The following PARD3B variants were observed in gnomAD, a reference collection of about 807,000 sequenced individuals.
PARD3B encodes par-3 family cell polarity regulator beta, also known as partitioning defective 3 homolog B.
A neutral mutation model predicts 130.2 loss-of-function variants in PARD3B; 103 were observed. The ratio of observed to expected loss-of-function variants is 0.79; its 90% CI spans 0.67 to 0.93. The LOEUF (loss-of-function observed/expected upper bound fraction) is 0.93. Among genes scored for constraint, PARD3B ranks in the 40% least tolerant of loss-of-function variants. The probability of loss-of-function intolerance (pLI) is 0.00; values close to 1 mark genes in which losing one functional copy is unlikely to be tolerated. For missense variants in PARD3B, 1,609 were observed against 1,499.2 expected, an observed-to-expected ratio of 1.07 and a Z score of -1.21; for synonymous variants, 583 against 553.2, an observed-to-expected ratio of 1.05 and a Z score of -0.76.
At chr2:204,626,076 T>G (rs2034476836) in intron 1 of PARD3B, among the ~76,000 whole-genome samples, 1 of 152,186 alleles carries the variant, frequency 6.6e-6, no homozygotes, top group African/African-American at 2.4e-5. Flanking sequence ...AAAGTATTAA[T>G]TTTTTGACTT....
chr2:205,508,601 T>C, intron 21 of PARD3B, among the ~76,000 whole-genome samples: 1 of 149,510 alleles, frequency 6.7e-6, no homozygotes, highest in East Asian at 2.0e-4. Context: ...AAAGTATGTG[T>C]CCATAGACTC....
intron 2 of PARD3B, among the ~76,000 whole-genome samples, chr2:204,946,745 G>C (rs1293472328): frequency 6.6e-6 from 1 of 152,156 alleles, no homozygotes; most frequent in African/African-American, 2.4e-5. Context: ...CTGTAGCCAG[G>C]AAATTAGAGA....
chr2:204,923,560 A>G (rs1487406909), intron 2 of PARD3B, among the ~76,000 whole-genome samples: 2 of 152,084 alleles, frequency 1.3e-5, no homozygotes, highest in African/African-American at 2.4e-5. Context: ...CAAATATACA[A>G]TATATTAAAA....
At chr2:204,680,399 A>G (rs1313970478) in intron 1 of PARD3B, among the ~76,000 whole-genome samples, 2 of 152,024 alleles carry the variant, frequency 1.3e-5, no homozygotes, top group Non-Finnish European at 2.9e-5. Flanking sequence ...TAGGATCTAT[A>G]ATGGTTTTGC....
intron 1 of PARD3B, among the ~76,000 whole-genome samples, chr2:204,653,059 A>G (rs1352603597): frequency 6.6e-6 from 1 of 151,056 alleles, no homozygotes; most frequent in East Asian, 1.9e-4. Context: ...GAGCCAAACC[A>G]TATCAAAAAC....
intron 15 of PARD3B, among the ~76,000 whole-genome samples, chr2:205,207,582 A>G (rs1239568564): frequency 1.4e-5 from 2 of 142,604 alleles, no homozygotes; most frequent in Non-Finnish European, 3.0e-5. Flanking sequence ...AGAGAATACT[A>G]CAAACACCTC....
chr2:205,423,219 C>T (rs559575428), intron 19 of PARD3B, among the ~76,000 whole-genome samples: 1 of 152,132 alleles, frequency 6.6e-6, no homozygotes, highest in Non-Finnish European at 1.5e-5. Flanking sequence ...GTTGGCCCAG[C>T]CAGTGCTGTG....
At position 204,643,413 on chromosome 2, in the gene PARD3B, G is replaced by T. The variant is rs1278996773; in HGVS notation, c.121-42768G>T. ...AAACTCTTGATAAACATTATTTTTT[G>T]AATATCTTCATACCATCTCAAACAC... is the stretch of plus-strand genomic sequence containing the variant. On this transcript the variant is annotated intron_variant, in intron 1 of 22. Transcript: ENST00000406610. 7.9e-5 allele frequency among the ~76,000 whole-genome samples: 12 copies of T among 151,926 alleles called. No homozygotes were observed. In the East Asian group the frequency reaches 2.3e-3, roughly 29 times the overall value.
intron 10 of PARD3B, among the ~76,000 whole-genome samples, chr2:205,133,545 TA>T (rs1477391793): frequency 6.6e-6 from 1 of 152,186 alleles, no homozygotes. Context: ...GTGGTTTCAT[TA>T]TAAAGAACAT....
chr2:205,113,397 T>TGA, intron 5 of PARD3B, 94 bp from the exon 6 acceptor site: 1 of 210,636 alleles, frequency 4.7e-6, no homozygotes. Flanking sequence ...AGCAGGGGTG[T>TGA]GTGTGTGTGT....
intron 2 of PARD3B, among the ~76,000 whole-genome samples, chr2:204,884,026 C>T (rs929461780): frequency 2.6e-5 from 4 of 152,126 alleles, no homozygotes; most frequent in East Asian, 3.9e-4. Flanking sequence ...TGTGAGCCAC[C>T]GCACCTGGCC....
Position 205,476,479 on chromosome 2 carries a change from T to C in PARD3B, c.3045-23417T>C, listed in dbSNP as rs552656954. Among the ~76,000 whole-genome samples, 514 of 152,282 alleles carry C rather than the reference T, an allele frequency of 3.4e-3. 3 individuals carry two copies. The highest frequency in any genetic ancestry group is 6.1e-3 in the Non-Finnish European group (414 of 68,020). On this transcript the variant is annotated intron_variant, in intron 20 of 22. Transcript: ENST00000406610. The stretch of plus-strand genomic sequence containing the variant: ...CCTGTTACTCTTCCAAGCCCTAAAC[T>C]GTAGCAGTGAATGTGGATTGGAAAG...
At chr2:204,546,341 C>T (rs566980998) in intron 1 of PARD3B, among the ~76,000 whole-genome samples, 9 of 152,300 alleles carry the variant, frequency 5.9e-5, no homozygotes, top group Non-Finnish European at 1.2e-4. Context: ...ATTGGAATCT[C>T]TTGGGAGCTT....
At chr2:205,451,515 CAA>C (rs1438213190) in intron 20 of PARD3B, among the ~76,000 whole-genome samples, 1 of 151,922 alleles carries the variant, frequency 6.6e-6, no homozygotes, top group Non-Finnish European at 1.5e-5. Flanking sequence ...TTTAATAATG[CAA>C]AAGTTATAGA....
chr2:204,561,023 G>A (rs113015936), intron 1 of PARD3B, among the ~76,000 whole-genome samples: 354 of 2,420 alleles, frequency 0.15, no homozygotes, highest in African/African-American at 0.33. Flanking sequence ...CTGTGTTCTG[G>A]CCACCCAGGC....
intron 3 of PARD3B, among the ~76,000 whole-genome samples, chr2:204,991,703 A>G (rs1426562296): frequency 6.6e-6 from 1 of 150,942 alleles, no homozygotes; most frequent in Non-Finnish European, 1.5e-5. Context: ...ACAGTGTAAA[A>G]GTGTTCCTAT....
At chr2:204,965,078 C>CA (rs1487267335) in intron 2 of PARD3B, 74 bp from the exon 3 acceptor site, 2 of 1,407,044 alleles carry the variant, frequency 1.4e-6, no homozygotes, top group Non-Finnish European at 1.9e-6. Flanking sequence ...AAATAAAGAT[C>CA]ACGTTCAGCT....
intron 1 of PARD3B, among the ~76,000 whole-genome samples, chr2:204,668,699 G>A (rs1284897319): frequency 5.9e-5 from 9 of 152,130 alleles, no homozygotes; most frequent in Admixed American, 3.9e-4. Flanking sequence ...AATACATTCC[G>A]TCCTTATGGT....
At chr2:205,369,823 C>G (rs2044743022) in intron 18 of PARD3B, among the ~76,000 whole-genome samples, 1 of 152,198 alleles carries the variant, frequency 6.6e-6, no homozygotes, top group African/African-American at 2.4e-5. Flanking sequence ...TGCAGTGCAT[C>G]AGCTGAGAAG....
Sources: gnomAD v4.1 joint callset for allele counts (sites outside exome capture counted in the v4.1 genomes callset) on GRCh38, gnomAD v4.1.1 for gene constraint, MANE v1.5 for transcripts, NCBI Gene and HGNC (gene_info 2026-07-23, HGNC 2026-07-21) for gene names.